APTX: variants seen among roughly 807,000 people sequenced by gnomAD.
The protein encoded by APTX is aprataxin, also known as forkhead-associated domain histidine triad-like protein.
Under a neutral mutation model 42.3 loss-of-function variants are expected in APTX, and 33 were observed. That is an observed-to-expected ratio of 0.78 (90% CI 0.59 to 1.04). APTX has a LOEUF of 1.04. Ranked by LOEUF, APTX falls within the 50% of genes least tolerant of loss-of-function variation. APTX has a pLI of 0.00. For synonymous variants in APTX, 130 were observed against 146.7 expected, an observed-to-expected ratio of 0.89 and a Z score of 0.82; for missense variants, 421 against 415.1, an observed-to-expected ratio of 1.01 and a Z score of -0.12.
At chr9:33,006,043 T>C (rs1197821365), upstream of APTX, among the ~76,000 whole-genome samples, 1 of 151,990 alleles carries the variant, frequency 6.6e-6, no homozygotes, top group Admixed American at 6.6e-5. Context: ...AAGATTGTTT[T>C]TGGCTACTCT....
At chr9:33,023,426 G>A (rs146846757) in intron 1 of APTX, among the ~76,000 whole-genome samples, 49 of 151,402 alleles carry the variant, frequency 3.2e-4, no homozygotes, top group African/African-American at 1.2e-3. Flanking sequence ...GTTTCACCAA[G>A]TTGGCCAGGC....
chr9:32,981,223 A>C (rs562267908), intron 6 of APTX, among the ~76,000 whole-genome samples: 5 of 152,364 alleles, frequency 3.3e-5, no homozygotes, highest in African/African-American at 1.2e-4. Flanking sequence ...TTATGGGTAC[A>C]CTAGGACTGA....
intron 1 of APTX, chr9:33,019,891 G>A (rs1253906695): frequency 6.9e-6 from 4 of 581,632 alleles, no homozygotes; most frequent in Non-Finnish European, 1.2e-5. Context: ...CTGGAGCCAG[G>A]GACCCATGGG....
chr9:33,012,407 C>A (rs1837604122), intron 1 of APTX, among the ~76,000 whole-genome samples: 2 of 152,202 alleles, frequency 1.3e-5, no homozygotes, highest in African/African-American at 4.8e-5. Flanking sequence ...CCTACCCTTC[C>A]ATAGTCCCCT....
Position 32,981,395 on chromosome 9 carries a change from G to A in APTX, c.770+3236C>T, listed in dbSNP as rs187512674. On this transcript the variant is annotated intron_variant, in intron 6 of 7. Coordinates refer to ENST00000379817, the MANE Select transcript of APTX (RefSeq NM_001195248.2). ...GGTTTTTCACATACAAATAAAGGTA[G>A]ATAAACACAGAATTATAGGGGTGTG... 9.9e-5 allele frequency among the ~76,000 whole-genome samples: 15 copies of A among 152,244 alleles called. No individual in the cohort carries two copies. In the East Asian group the frequency reaches 2.7e-3, roughly 27 times the overall value.
intron 1 of APTX, among the ~76,000 whole-genome samples, chr9:33,018,001 G>A (rs1838038108): frequency 7.1e-6 from 1 of 141,456 alleles, no homozygotes; most frequent in Non-Finnish European, 1.5e-5. Context: ...TGATTGAAAG[G>A]GGCTTGTTAT....
upstream of APTX, chr9:33,001,766 T>C (rs181624761): frequency 6.1e-4 from 533 of 873,334 alleles, 1 homozygote; most frequent in East Asian, 0.011. Context: ...TGGGCCGTGG[T>C]CCAACTGAGG....
chr9:33,001,188 G>T, intron 1 of APTX: 1 of 799,140 alleles, frequency 1.3e-6, no homozygotes, highest in Non-Finnish European at 1.7e-6. Flanking sequence ...GCCTGTTGAG[G>T]ATGCTGCTAA....
At chr9:33,023,520 G>C (rs1564008490) in intron 1 of APTX, among the ~76,000 whole-genome samples, 1 of 152,206 alleles carries the variant, frequency 6.6e-6, no homozygotes, top group East Asian at 1.9e-4. Context: ...ACGGCGCCCG[G>C]CCTGACTTAC....
In APTX at chr9:32,972,709, T is replaced by C. The variant is rs759110975; in HGVS notation, c.*789A>G. 2.2e-6 allele frequency: 1 copy of C among 454,050 alleles called. No individual in the cohort carries two copies. Among genetic ancestry groups the C allele is most frequent in the African/African-American group, 2.0e-5 (1 of 50,138 alleles). 28.1% of individuals were successfully genotyped at this position (454,050 alleles called of 1,614,324 possible). Reference sequence around the variant, plus strand: ...CCACCTTTCCATGCATCAGAACCTATGCTGTGATTGTTAGCTGAACTTCAA... The same window carrying C: ...CCACCTTTCCATGCATCAGAACCTACGCTGTGATTGTTAGCTGAACTTCAA... On this transcript the variant is annotated 3_prime_UTR_variant, in exon 8 of 8. Coordinates refer to ENST00000379817, the MANE Select transcript of APTX (RefSeq NM_001195248.2).
intron 1 of APTX, among the ~76,000 whole-genome samples, chr9:33,017,447 T>A (rs1044307383): frequency 6.6e-6 from 1 of 151,114 alleles, no homozygotes; most frequent in Non-Finnish European, 1.5e-5. Flanking sequence ...TGTCCTCACA[T>A]GGCAGAAGGG....
Position 32,987,990 on chromosome 9 carries a change from C to CA in APTX, c.180+92dup, listed in dbSNP as rs1832601043. 5 of 1,518,348 alleles carry CA rather than the reference C, an allele frequency of 3.3e-6. No individual in the cohort carries two copies. In the Admixed American group the frequency reaches 8.4e-5, roughly 25 times the overall value. The allele number at this position is 1,518,348 out of a possible 1,614,324, so 94.1% of individuals were successfully genotyped here. A position where few individuals can be genotyped will look rare whatever the true frequency, so the allele number is the denominator to read the frequency against. ...ATTACTCCATCACTTCCATACATGA[C>CA]AGAGAAGCCTTCACTGGCTGGCACA... On this transcript the variant is annotated intron_variant, in intron 3 of 7. Transcript: ENST00000379817.
intron 1 of APTX, among the ~76,000 whole-genome samples, chr9:33,024,506 C>T (rs1838685897): frequency 6.6e-6 from 1 of 152,154 alleles, no homozygotes; most frequent in South Asian, 2.1e-4. Context: ...TTGTTTTAGT[C>T]AGACACTCTT....
intron 1 of APTX, among the ~76,000 whole-genome samples, chr9:33,008,294 C>T (rs2119209739): frequency 6.6e-6 from 1 of 151,212 alleles, no homozygotes; most frequent in Admixed American, 6.6e-5. Flanking sequence ...GCTACATATC[C>T]AAGTAAAATA....
chr9:33,013,719 G>T (rs1355188145), intron 1 of APTX, among the ~76,000 whole-genome samples: 1 of 152,204 alleles, frequency 6.6e-6, no homozygotes, highest in African/African-American at 2.4e-5. Context: ...AGACAGAATG[G>T]TGTGAACCCG....
intron 1 of APTX, among the ~76,000 whole-genome samples, chr9:33,013,589 A>T (rs1057281873): frequency 6.6e-6 from 1 of 152,136 alleles, no homozygotes; most frequent in East Asian, 1.9e-4. Flanking sequence ...GGCAGATCAC[A>T]AGGTCAGGAG....
At chr9:33,015,395 T>C (rs907789573) in intron 1 of APTX, among the ~76,000 whole-genome samples, 3 of 152,220 alleles carry the variant, frequency 2.0e-5, no homozygotes, top group African/African-American at 7.2e-5. Context: ...AGCCTCACTC[T>C]ATTGCCCAGG....
upstream of APTX, chr9:33,001,691 G>A (rs901158119): frequency 1.3e-6 from 2 of 1,549,278 alleles, no homozygotes; most frequent in African/African-American, 1.4e-5. Flanking sequence ...CTCTCTAACG[G>A]ATTGGCTGAA....
Position 32,974,335 on chromosome 9 carries a change from T to C in APTX, c.874+123A>G, listed in dbSNP as rs1828801524. 4.9e-5 allele frequency: 35 copies of C among 708,746 alleles called. 1 individual carries two copies. Among genetic ancestry groups the C allele is most frequent in the Non-Finnish European group, 8.4e-5 (33 of 394,426 alleles). 43.9% of individuals were successfully genotyped at this position (708,746 alleles called of 1,614,324 possible). A position where few individuals can be genotyped will look rare whatever the true frequency, so the allele number is the denominator to read the frequency against. On this transcript the variant is annotated intron_variant, in intron 7 of 7. Transcript: ENST00000379817. ...GTTTCTTTTCACAGGGCTCGCTTTATAGGGAACACAAAGTTGTACATAGGT... is the reference window on the plus strand; with the variant it reads ...GTTTCTTTTCACAGGGCTCGCTTTACAGGGAACACAAAGTTGTACATAGGT...
Sources: gnomAD v4.1 joint callset for allele counts (sites outside exome capture counted in the v4.1 genomes callset) on GRCh38, gnomAD v4.1.1 for gene constraint, MANE v1.5 for transcripts, NCBI Gene and HGNC (gene_info 2026-07-23, HGNC 2026-07-21) for gene names.